Variants in RELN observed in about 807,000 individuals in gnomAD.
RELN encodes the protein reelin.
Under a neutral mutation model 427.6 loss-of-function variants are expected in RELN, and 108 were observed. The ratio of observed to expected loss-of-function variants is 0.25; its 90% CI spans 0.22 to 0.30. RELN has a LOEUF of 0.30. Ranked by LOEUF, RELN falls within the 10% of genes least tolerant of loss-of-function variation. The pLI is 1.00. For missense variants in RELN, 3,715 were observed against 4,302.8 expected, an observed-to-expected ratio of 0.86 and a Z score of 3.82; for synonymous variants, 1,524 against 1,513.4, an observed-to-expected ratio of 1.01 and a Z score of -0.16.
At position 103,882,454 on chromosome 7, in the gene RELN, G is replaced by A. The variant is rs75363256; in HGVS notation, c.337+34621C>T. 4.0e-3 allele frequency among the ~76,000 whole-genome samples: 612 copies of A among 152,070 alleles called. 23 individuals are homozygous for A. The East Asian group carries it at 0.072, about 18-fold the overall frequency. Reference sequence around the variant, plus strand: ...CTTTAGTTCTCATCAATTTGGGTCCGTAAATTTTTTTTTATTTTTTGTATT... The same window carrying A: ...CTTTAGTTCTCATCAATTTGGGTCCATAAATTTTTTTTTATTTTTTGTATT... On this transcript the variant is annotated intron_variant, in intron 2 of 64. Coordinates refer to ENST00000428762, the MANE Select transcript of RELN (RefSeq NM_005045.4).
intron 42 of RELN, among the ~76,000 whole-genome samples, chr7:103,544,663 T>C (rs933490522): frequency 2.6e-5 from 4 of 152,174 alleles, no homozygotes; most frequent in Non-Finnish European, 5.9e-5. Flanking sequence ...TTACATTACA[T>C]GCATTTTACT....
At chr7:103,945,042 C>A (rs762561537) in intron 1 of RELN, among the ~76,000 whole-genome samples, 3 of 152,124 alleles carry the variant, frequency 2.0e-5, no homozygotes, top group Non-Finnish European at 4.4e-5. Flanking sequence ...CCTGGCAGTG[C>A]CTCCAGTTCA....
intron 1 of RELN, among the ~76,000 whole-genome samples, chr7:103,937,669 C>A (rs920722669): frequency 7.9e-5 from 12 of 152,186 alleles, no homozygotes; most frequent in African/African-American, 2.9e-4. Context: ...CTCTCAACAA[C>A]ACAGAATATT....
chr7:103,609,656 A>G (rs991656575), intron 22 of RELN, among the ~76,000 whole-genome samples: 1 of 152,204 alleles, frequency 6.6e-6, no homozygotes, highest in Admixed American at 6.5e-5. Context: ...GCATTTTTAC[A>G]TAATGCAGGA....
At chr7:103,802,582 G>A (rs1792496081) in intron 3 of RELN, among the ~76,000 whole-genome samples, 2 of 152,106 alleles carry the variant, frequency 1.3e-5, no homozygotes, top group Non-Finnish European at 2.9e-5. Flanking sequence ...ATACCCAAAT[G>A]TGAAATTTTG....
chr7:103,610,613 A>G (rs1831927968), intron 22 of RELN, 82 bp downstream of exon 22: 1 of 792,120 alleles, frequency 1.3e-6, no homozygotes, highest in Non-Finnish European at 2.3e-6. Flanking sequence ...TTCAAGTCAT[A>G]CTTGAATCAA....
intron 6 of RELN, among the ~76,000 whole-genome samples, chr7:103,743,748 C>G (rs1050362930): frequency 2.0e-5 from 3 of 152,236 alleles, no homozygotes; most frequent in South Asian, 2.1e-4. Flanking sequence ...TACAGGAGCA[C>G]CCAGATTCAT....
At chr7:103,792,546 T>C (rs1792191717) in intron 3 of RELN, among the ~76,000 whole-genome samples, 1 of 11,944 alleles carries the variant, frequency 8.4e-5, no homozygotes, top group African/African-American at 6.7e-4. Flanking sequence ...CATAGATTAG[T>C]AGTGGTTTCC....
At chr7:103,560,892 C>T (rs1395069823) in intron 36 of RELN, among the ~76,000 whole-genome samples, 1 of 152,106 alleles carries the variant, frequency 6.6e-6, no homozygotes, top group East Asian at 1.9e-4. Context: ...TGTACAGAAA[C>T]CCATGCAGGT....
At chr7:103,661,302 T>C (rs1429238248) in intron 12 of RELN, 74 bp downstream of exon 12, 11 of 1,464,752 alleles carry the variant, frequency 7.5e-6, no homozygotes, top group Admixed American at 3.3e-5. Flanking sequence ...CAACAAACAA[T>C]CTTACTTCCT....
chr7:103,535,586 C>T (rs1426318528), intron 45 of RELN, 102 bp from the exon 46 acceptor site: 1 of 1,176,206 alleles, frequency 8.5e-7, no homozygotes, highest in Non-Finnish European at 1.2e-6. Context: ...ATTCAAATGT[C>T]AGTTTGATTT....
chr7:103,477,806 T>C (rs1828087760), intron 64 of RELN, among the ~76,000 whole-genome samples: 1 of 152,158 alleles, frequency 6.6e-6, no homozygotes, highest in African/African-American at 2.4e-5. Flanking sequence ...AGAGGACAAA[T>C]ACAAGAATAT....
intron 6 of RELN, among the ~76,000 whole-genome samples, chr7:103,731,967 C>T (rs1790365952): frequency 6.6e-6 from 1 of 152,082 alleles, no homozygotes; most frequent in Non-Finnish European, 1.5e-5. Flanking sequence ...GTATTCTATG[C>T]TTACAGCACA....
chr7:103,663,419 T>C (rs1313963832), intron 11 of RELN, among the ~76,000 whole-genome samples: 1 of 152,202 alleles, frequency 6.6e-6, no homozygotes, highest in Non-Finnish European at 1.5e-5. Context: ...TAGAGTTTCC[T>C]GACTGTATCC....
Position 103,698,016 on chromosome 7 carries a change from T to C in RELN, c.980A>G (p.Gln327Arg), listed in dbSNP as rs890609228. The change falls in exon 10 of 65, where the codon CAG becomes CGG. Residue 327 changes from glutamine to arginine, a missense_variant. By Grantham distance (43) the Gln-to-Arg change is conservative. Around this residue, in one of 4 missense-constraint regions of RELN, gnomAD observed 2,208 missense variants for 2,361.7 expected, o/e 0.93. Transcript: ENST00000428762. ...TACACGAAGATTTTCCTGCTTCCAC[T>C]GAAATTGGACATTCTCCCCTTTGGC... ...EDAKGENVQF[Q>R]WKQENLRVGE... The C allele has an allele frequency of 5.0e-6, 8 of 1,613,692 alleles. No homozygotes were observed. The highest frequency in any genetic ancestry group is 3.3e-5 in the Admixed American group (2 of 59,926).
At chr7:103,473,135 A>G in intron 64 of RELN, 2 of 649,386 alleles carry the variant, frequency 3.1e-6, no homozygotes, top group South Asian at 1.6e-5. Flanking sequence ...TCTTTTCATG[A>G]GTGAGCTCTG....
At position 103,650,031 on chromosome 7, in the gene RELN, TTTTA is replaced by T. The variant is rs1832879635; in HGVS notation, c.2002+239_2002+242del. On this transcript the variant is annotated intron_variant, in intron 16 of 64. Transcript: ENST00000428762. ...TTTCAGTTTCAAGGTTTTATGCATTTTTTATTTATGTATGTGAAACATTCTAGCA... is the reference window on the plus strand; with the variant it reads ...TTTCAGTTTCAAGGTTTTATGCATTTTTTATGTATGTGAAACATTCTAGCA... Among the ~76,000 whole-genome samples, 6 of 152,214 alleles carry T rather than the reference TTTTA, an allele frequency of 3.9e-5. No individual in the cohort carries two copies. In the South Asian group the frequency reaches 1.2e-3, roughly 32 times the overall value.
At chr7:103,718,031 AT>A (rs1208416821) in intron 8 of RELN, among the ~76,000 whole-genome samples, 1 of 152,152 alleles carries the variant, frequency 6.6e-6, no homozygotes, top group Non-Finnish European at 1.5e-5. Context: ...TACAAGTGAC[AT>A]TTTATCCTTT....
intron 2 of RELN, among the ~76,000 whole-genome samples, chr7:103,895,027 T>G (rs937865105): frequency 2.0e-5 from 3 of 152,136 alleles, no homozygotes; most frequent in African/African-American, 7.2e-5. Context: ...ATCTGTAAAC[T>G]TTCTTGACTA....
Sources: allele counts gnomAD v4.1 joint callset (sites outside exome capture counted in the v4.1 genomes callset), GRCh38; gene constraint gnomAD v4.1.1; regional missense constraint gnomAD v4.1.1; transcripts MANE v1.5; gene names NCBI Gene and HGNC (gene_info 2026-07-23, HGNC 2026-07-21).